Variants in RABGAP1 observed in about 807,000 individuals in gnomAD.
RABGAP1 encodes RAB GTPase activating protein 1, also known as rab GTPase-activating protein 1.
A neutral mutation model predicts 137.6 loss-of-function variants in RABGAP1; 23 were observed. That is an observed-to-expected ratio of 0.17 (90% CI 0.12 to 0.24). The LOEUF (loss-of-function observed/expected upper bound fraction) is 0.24, where lower values mean the gene tolerates loss of function less well. RABGAP1 is among the 10% of genes least tolerant of loss of function. The pLI, the probability that RABGAP1 is intolerant of heterozygous loss-of-function variation, is 1.00. For missense variants in RABGAP1, 906 were observed against 1,275.8 expected (o/e 0.71, Z 4.42); for synonymous variants, 451 against 450.7 (o/e 1.00, Z -0.01).
At chr9:123,057,238 G>A (rs1337081457) in intron 13 of RABGAP1, among the ~76,000 whole-genome samples, 1 of 144,856 alleles carries the variant, frequency 6.9e-6, no homozygotes, top group Non-Finnish European at 1.5e-5. Flanking sequence ...CGGGCGGAGG[G>A]GCTCCTCACT....
chr9:122,961,918 A>G (rs148697767), intron 2 of RABGAP1, among the ~76,000 whole-genome samples: 48 of 152,328 alleles, frequency 3.2e-4, no homozygotes, highest in Admixed American at 7.8e-4. Flanking sequence ...ACTCAAATTC[A>G]TAAGAATAAA....
At chr9:122,990,499 G>T in intron 6 of RABGAP1, 1 of 201,590 alleles carries the variant, frequency 5.0e-6, no homozygotes, top group Non-Finnish European at 1.0e-5. Flanking sequence ...GCCAGGCGCT[G>T]TGGCTCACAC....
intron 2 of RABGAP1, among the ~76,000 whole-genome samples, chr9:122,961,112 T>A (rs550748284): frequency 1.2e-4 from 18 of 152,022 alleles, no homozygotes; most frequent in Non-Finnish European, 2.2e-4. Flanking sequence ...AAATTTTAAG[T>A]AATAATGTCC....
chr9:123,058,022 C>G (rs1278332673), intron 13 of RABGAP1, among the ~76,000 whole-genome samples: 4 of 123,572 alleles, frequency 3.2e-5, no homozygotes, highest in South Asian at 3.3e-4. Flanking sequence ...AGCCTCGGCT[C>G]GGCATCAGAG....
intron 21 of RABGAP1, 67 bp from the exon 22 acceptor site, chr9:123,097,674 C>T: frequency 7.5e-7 from 1 of 1,336,036 alleles, no homozygotes; most frequent in Admixed American, 2.1e-5. Context: ...TGGGATTATG[C>T]TAAGTAATGG....
chr9:123,102,777 T>C (rs1351561142), intron 25 of RABGAP1, among the ~76,000 whole-genome samples: 1 of 152,118 alleles, frequency 6.6e-6, no homozygotes, highest in East Asian at 1.9e-4. Context: ...TTTAAAGATT[T>C]TTGCCAAAAT....
At chr9:122,963,336 G>A (rs932444411) in intron 2 of RABGAP1, among the ~76,000 whole-genome samples, 1 of 152,164 alleles carries the variant, frequency 6.6e-6, no homozygotes, top group East Asian at 1.9e-4. Context: ...AGCCTTAAAT[G>A]ACACTGTTGA....
At position 123,074,343 on chromosome 9, in the gene RABGAP1, A is replaced by T; in HGVS notation, c.2168A>T (p.Tyr723Phe). The stretch of plus-strand genomic sequence containing the variant: ...GATATAAGCCTTGAAGCACACATGT[A>T]TGCCTCCCAGTGGTTTCTTACTCTT... Reference protein sequence around the residue: ...FLDISLEAHMYASQWFLTLFT... With the variant: ...FLDISLEAHMFASQWFLTLFT... The change falls in exon 17 of 26, where the codon TAT (tyrosine) becomes TTT (phenylalanine). Residue 723 changes from tyrosine to phenylalanine, a missense_variant. Physicochemically the swap from Tyr to Phe is conservative, Grantham distance 22. Around this residue, in one of 9 missense-constraint regions of RABGAP1, gnomAD observed 19 missense variants for 63.0 expected, o/e 0.30. Coordinates refer to ENST00000373647, the MANE Select transcript of RABGAP1 (RefSeq NM_012197.4). 6.2e-7 allele frequency: 1 copy of T among 1,613,670 alleles called. No homozygotes were observed.
At chr9:123,095,093 G>C (rs1339666822) in intron 21 of RABGAP1, among the ~76,000 whole-genome samples, 1 of 151,796 alleles carries the variant, frequency 6.6e-6, no homozygotes, top group Non-Finnish European at 1.5e-5. Flanking sequence ...TGGCTGTGGT[G>C]TCACATGCCT....
chr9:123,081,533 C>T lies in RABGAP1; in HGVS notation c.2424+4771C>T, dbSNP rs542642852. Among the ~76,000 whole-genome samples the T allele has an allele frequency of 2.0e-5, 3 of 152,270 alleles. No homozygotes were observed. The East Asian group carries it at 5.8e-4, about 29-fold the overall frequency. On this transcript the variant is annotated intron_variant, in intron 19 of 25. Transcript: ENST00000373647. ...CTCACTGCAGCCTCAACCTCCCAGA[C>T]TCAAACGATCCTCCCATGTCAGCCT...
At chr9:122,970,816 A>G (rs1835429644) in intron 2 of RABGAP1, among the ~76,000 whole-genome samples, 1 of 152,218 alleles carries the variant, frequency 6.6e-6, no homozygotes, top group Non-Finnish European at 1.5e-5. Flanking sequence ...AAATATGATA[A>G]CCTACACAGC....
At position 122,957,036 on chromosome 9, in the gene RABGAP1, T is replaced by C; in HGVS notation, c.-24T>C. 1 of 1,450,562 alleles carries C rather than the reference T, an allele frequency of 6.9e-7. No individual in the cohort carries two copies. Among genetic ancestry groups the C allele is most frequent in the South Asian group, 1.6e-5 (1 of 61,746 alleles). 89.9% of individuals were successfully genotyped at this position (1,450,562 alleles called of 1,614,324 possible). A position where few individuals can be genotyped will look rare whatever the true frequency, so the allele number is the denominator to read the frequency against. The stretch of plus-strand genomic sequence containing the variant: ...GCATTAAAAAATATTTAATCATTCA[T>C]GTGTTGAGACTCATTCTTGAGTTAT... On this transcript the variant is annotated 5_prime_UTR_variant, in exon 2 of 26. The change abolishes an upstream ATG in the 5' untranslated region. Coordinates refer to ENST00000373647, the MANE Select transcript of RABGAP1 (RefSeq NM_012197.4).
intron 13 of RABGAP1, among the ~76,000 whole-genome samples, chr9:123,021,330 C>A (rs897921350): frequency 1.8e-5 from 2 of 111,976 alleles, no homozygotes; most frequent in Non-Finnish European, 3.7e-5. Flanking sequence ...GAAGAGCAGG[C>A]TTTTTTTTTT....
chr9:123,072,249 T>G, intron 15 of RABGAP1, among the ~76,000 whole-genome samples: 1 of 152,206 alleles, frequency 6.6e-6, no homozygotes, highest in East Asian at 1.9e-4. Flanking sequence ...TATGGGTTGC[T>G]CAACCTGTAC....
chr9:122,976,749 C>G (rs1202155085), intron 2 of RABGAP1, among the ~76,000 whole-genome samples: 1 of 152,182 alleles, frequency 6.6e-6, no homozygotes, highest in Non-Finnish European at 1.5e-5. Flanking sequence ...TCAAGGGACT[C>G]TCTAAACAAA....
At chr9:123,007,775 A>G (rs1257260790) in intron 10 of RABGAP1, among the ~76,000 whole-genome samples, 1 of 150,754 alleles carries the variant, frequency 6.6e-6, no homozygotes, top group Admixed American at 6.6e-5. Context: ...CATCTTATCC[A>G]GGAACATGGG....
At chr9:123,035,630 C>A (rs367580153) in intron 13 of RABGAP1, 3 of 1,446,164 alleles carry the variant, frequency 2.1e-6, no homozygotes, top group African/African-American at 1.4e-5. Flanking sequence ...GGCTCAGTTA[C>A]GGGGTTCCCG....
intron 13 of RABGAP1, among the ~76,000 whole-genome samples, chr9:123,029,976 T>A (rs555292643): frequency 6.6e-6 from 1 of 152,350 alleles, no homozygotes; most frequent in Admixed American, 6.5e-5. Flanking sequence ...TTTCCTTTTT[T>A]TGTTACATTT....
intron 13 of RABGAP1, among the ~76,000 whole-genome samples, chr9:123,036,338 G>T (rs546350750): frequency 6.6e-6 from 1 of 152,282 alleles, no homozygotes; most frequent in South Asian, 2.1e-4. Flanking sequence ...ATATGTGTGC[G>T]TAGAAGTAAT....
Sources: gnomAD v4.1 joint callset for allele counts (sites outside exome capture counted in the v4.1 genomes callset) on GRCh38, gnomAD v4.1.1 for gene constraint, gnomAD v4.1.1 regional missense constraint, MANE v1.5 for transcripts, NCBI Gene and HGNC (gene_info 2026-07-23, HGNC 2026-07-21) for gene names.